The following PIK3C2G variants were observed in gnomAD, a reference collection of about 807,000 sequenced individuals.
PIK3C2G encodes the protein phosphatidylinositol 3-kinase C2 domain-containing subunit gamma.
PIK3C2G carries 168 observed loss-of-function variants against 181.1 expected under a neutral mutation model. The ratio of observed to expected loss-of-function variants is 0.93; its 90% CI spans 0.82 to 1.05. PIK3C2G has a LOEUF of 1.05. PIK3C2G is among the 50% of genes least tolerant of loss of function. PIK3C2G has a pLI of 0.00. For synonymous variants in PIK3C2G, 573 were observed against 592.2 expected (o/e 0.97, Z 0.47); for missense variants, 1,869 against 1,732.8 (o/e 1.08, Z -1.40).
At chr12:18,399,915 C>A in intron 16 of PIK3C2G, 68 bp downstream of exon 16, 2 of 906,978 alleles carry the variant, frequency 2.2e-6, no homozygotes, top group East Asian at 2.7e-5. Context: ...ACTATAGAAC[C>A]ATATAATTAA....
intron 32 of PIK3C2G, among the ~76,000 whole-genome samples, chr12:18,642,752 G>A (rs2136812673): frequency 1.3e-5 from 2 of 151,552 alleles, no homozygotes; most frequent in South Asian, 4.2e-4. Flanking sequence ...AAAATGATGT[G>A]TAATAAATAT....
intron 26 of PIK3C2G, among the ~76,000 whole-genome samples, chr12:18,557,210 T>C (rs772321482): frequency 2.0e-5 from 3 of 152,056 alleles, no homozygotes; most frequent in Non-Finnish European, 4.4e-5. Context: ...AAAGATAGTA[T>C]CTTCTATATT....
chr12:18,608,331 G>T (rs1948159207), intron 30 of PIK3C2G, among the ~76,000 whole-genome samples: 1 of 151,936 alleles, frequency 6.6e-6, no homozygotes, highest in South Asian at 2.1e-4. Context: ...TGATAGACTG[G>T]ATTAAGAAAA....
At chr12:18,480,858 G>T (rs888238550) in intron 18 of PIK3C2G, among the ~76,000 whole-genome samples, 10 of 152,188 alleles carry the variant, frequency 6.6e-5, no homozygotes, top group African/African-American at 2.4e-4. Context: ...TACCTCTGCT[G>T]CTGCTCTACA....
the PIK3C2G span, among the ~76,000 whole-genome samples, chr12:18,725,776 G>T: frequency 6.6e-6 from 1 of 151,976 alleles, no homozygotes; most frequent in Non-Finnish European, 1.5e-5. Flanking sequence ...TCTCGTTGTT[G>T]TTTTTTGTTT....
At chr12:18,467,693 G>T (rs1938041479) in intron 18 of PIK3C2G, among the ~76,000 whole-genome samples, 1 of 151,912 alleles carries the variant, frequency 6.6e-6, no homozygotes, top group Non-Finnish European at 1.5e-5. Context: ...TAAGAGAAGA[G>T]AGCAGAAAAG....
the PIK3C2G span, among the ~76,000 whole-genome samples, chr12:18,697,094 T>G: frequency 6.6e-6 from 1 of 152,134 alleles, no homozygotes; most frequent in Non-Finnish European, 1.5e-5. Flanking sequence ...AATTTCATGC[T>G]TCTCCAAGGA....
intron 12 of PIK3C2G, among the ~76,000 whole-genome samples, chr12:18,370,494 G>A (rs1280076999): frequency 6.6e-6 from 1 of 152,062 alleles, no homozygotes; most frequent in Non-Finnish European, 1.5e-5. Context: ...GACCCAGAAT[G>A]GTCCACATTT....
intron 5 of PIK3C2G, among the ~76,000 whole-genome samples, chr12:18,311,527 A>AGG (rs1441320415): frequency 1.6e-5 from 2 of 126,038 alleles, no homozygotes; most frequent in African/African-American, 2.9e-5. Context: ...TATGGTATAA[A>AGG]GGGGTGTGTG....
chr12:18,435,208 T>A lies in PIK3C2G; in HGVS notation c.2504+11169T>A, dbSNP rs184092658. On this transcript the variant is annotated intron_variant, in intron 18 of 32. Coordinates refer to ENST00000538779, the MANE Select transcript of PIK3C2G (RefSeq NM_001288772.2). ...AACACAGAAAATCTAGAAGACATTA[T>A]TCTTACCCAATAATCTTTATTTACT... Among the ~76,000 whole-genome samples the A allele has an allele frequency of 2.0e-5, 3 of 152,330 alleles. No homozygotes were observed. In the East Asian group the frequency reaches 5.8e-4, roughly 29 times the overall value.
Position 18,630,456 on chromosome 12 carries a change from C to A in PIK3C2G, c.4183-9973C>A, listed in dbSNP as rs61364196. Among the ~76,000 whole-genome samples, 515 of 151,996 alleles carry A rather than the reference C, an allele frequency of 3.4e-3. 2 individuals carry two copies. Among genetic ancestry groups the A allele is most frequent in the African/African-American group, 0.012 (486 of 41,456 alleles). On this transcript the variant is annotated intron_variant, in intron 31 of 32. Coordinates refer to ENST00000538779, the MANE Select transcript of PIK3C2G (RefSeq NM_001288772.2). ...AGATGAAAGGAAGCCTGATTCCAAGCAAAAACTTTTAAATTTTAATTGAAG... is the reference window on the plus strand; with the variant it reads ...AGATGAAAGGAAGCCTGATTCCAAGAAAAAACTTTTAAATTTTAATTGAAG...
At chr12:18,364,580 T>A (rs781514319) in intron 12 of PIK3C2G, among the ~76,000 whole-genome samples, 20 of 152,156 alleles carry the variant, frequency 1.3e-4, no homozygotes, top group Admixed American at 4.6e-4. Flanking sequence ...TAATAAATTT[T>A]GTGTAACAAG....
chr12:18,555,158 C>A (rs1390921618), intron 26 of PIK3C2G, among the ~76,000 whole-genome samples: 1 of 152,134 alleles, frequency 6.6e-6, no homozygotes, highest in Non-Finnish European at 1.5e-5. Flanking sequence ...TTCTATCCAA[C>A]TGCCAAATAT....
At chr12:18,438,427 A>C (rs1016698462) in intron 18 of PIK3C2G, among the ~76,000 whole-genome samples, 5 of 151,910 alleles carry the variant, frequency 3.3e-5, no homozygotes, top group African/African-American at 1.2e-4. Context: ...AATTCTAATC[A>C]TCTAACTTTT....
intron 15 of PIK3C2G, among the ~76,000 whole-genome samples, chr12:18,392,627 CT>C (rs540833602): frequency 1.3e-5 from 2 of 152,082 alleles, no homozygotes; most frequent in African/African-American, 2.4e-5. Context: ...GTGATGAAGC[CT>C]TTTTTCCCTC....
intron 24 of PIK3C2G, among the ~76,000 whole-genome samples, chr12:18,527,222 A>G (rs937869320): frequency 6.6e-6 from 1 of 152,186 alleles, no homozygotes; most frequent in Non-Finnish European, 1.5e-5. Flanking sequence ...AGGATCTCAT[A>G]GCGTTGACTC....
At chr12:18,356,915 A>G (rs1264076489) in intron 11 of PIK3C2G, among the ~76,000 whole-genome samples, 3 of 151,794 alleles carry the variant, frequency 2.0e-5, no homozygotes, top group Non-Finnish European at 4.4e-5. Context: ...CAAGCGGGAA[A>G]ACAGGAAGAC....
At chr12:18,444,551 T>C (rs757287098) in intron 18 of PIK3C2G, among the ~76,000 whole-genome samples, 4 of 152,192 alleles carry the variant, frequency 2.6e-5, no homozygotes, top group Non-Finnish European at 4.4e-5. Context: ...TTCCATACTG[T>C]AGAATGCGGA....
chr12:18,555,208 GA>G (rs1371244645), intron 26 of PIK3C2G, among the ~76,000 whole-genome samples: 1 of 152,130 alleles, frequency 6.6e-6, no homozygotes, highest in Non-Finnish European at 1.5e-5. Flanking sequence ...CGCTGTCATA[GA>G]AATCTCCATC....
Sources: gnomAD v4.1 joint callset for allele counts (sites outside exome capture counted in the v4.1 genomes callset) on GRCh38, gnomAD v4.1.1 for gene constraint, MANE v1.5 for transcripts, NCBI Gene and HGNC (gene_info 2026-07-23, HGNC 2026-07-21) for gene names.